NXPE4: variants seen among roughly 807,000 people sequenced by gnomAD.
NXPE4 encodes neurexophilin and PC-esterase domain family member 4.
A neutral mutation model predicts 33.3 loss-of-function variants in NXPE4; 42 were observed. That is an observed-to-expected ratio of 1.26 (90% CI 0.98 to 1.63). NXPE4 has a LOEUF of 1.63. Among genes scored for constraint, NXPE4 ranks in the 40% most tolerant of loss-of-function variants. The pLI, the probability that NXPE4 is intolerant of heterozygous loss-of-function variation, is 0.00. For synonymous variants in NXPE4, 253 were observed against 234.9 expected, an observed-to-expected ratio of 1.08 and a Z score of -0.71; for missense variants, 709 against 647.6, an observed-to-expected ratio of 1.09 and a Z score of -1.03.
upstream of NXPE4, among the ~76,000 whole-genome samples, chr11:114,597,761 A>C (rs935848840): frequency 2.0e-5 from 3 of 152,146 alleles, no homozygotes; most frequent in Admixed American, 6.5e-5. Flanking sequence ...ACATGTCAAA[A>C]TGGCCCAGAA....
intron 4 of NXPE4, among the ~76,000 whole-genome samples, chr11:114,581,125 G>A (rs1565331953): frequency 6.6e-6 from 1 of 152,190 alleles, no homozygotes; most frequent in South Asian, 2.1e-4. Flanking sequence ...TTTATGATTA[G>A]CAAGGTTTTA....
At chr11:114,631,791 GT>G in the NXPE4 span, among the ~76,000 whole-genome samples, 1 of 151,326 alleles carries the variant, frequency 6.6e-6, no homozygotes, top group Admixed American at 6.6e-5. Flanking sequence ...AGTAATCACT[GT>G]TACCCAGTGG....
At chr11:114,613,024 C>G in the NXPE4 span, among the ~76,000 whole-genome samples, 1 of 151,862 alleles carries the variant, frequency 6.6e-6, no homozygotes, top group East Asian at 1.9e-4. Context: ...TCTAGGGTAA[C>G]CACTGTTACC....
chr11:114,592,546 C>G (rs981022792), intron 2 of NXPE4, among the ~76,000 whole-genome samples: 4 of 151,742 alleles, frequency 2.6e-5, no homozygotes, highest in African/African-American at 7.3e-5. Context: ...CACACACACA[C>G]AAAATAGATA....
the NXPE4 span, among the ~76,000 whole-genome samples, chr11:114,633,608 C>T: frequency 6.8e-6 from 1 of 146,610 alleles, no homozygotes; most frequent in Non-Finnish European, 1.5e-5. Context: ...TGCTATCCCT[C>T]CCACCCTGCC....
the NXPE4 span, among the ~76,000 whole-genome samples, chr11:114,630,140 A>G: frequency 2.0e-5 from 3 of 151,784 alleles, no homozygotes; most frequent in Non-Finnish European, 2.9e-5. Context: ...CAAGCTACCA[A>G]TGACTTTCTT....
intron 4 of NXPE4, among the ~76,000 whole-genome samples, chr11:114,581,476 A>G (rs1385797163): frequency 6.6e-6 from 1 of 152,126 alleles, no homozygotes; most frequent in Non-Finnish European, 1.5e-5. Context: ...TGTTGTATAA[A>G]ATGGGCAGGG....
chr11:114,656,273 T>C, the NXPE4 span, among the ~76,000 whole-genome samples: 1 of 151,924 alleles, frequency 6.6e-6, no homozygotes, highest in Non-Finnish European at 1.5e-5. Context: ...CTCAAGGAAA[T>C]AAGGGAGGAT....
intron 2 of NXPE4, among the ~76,000 whole-genome samples, chr11:114,591,073 C>G (rs1949440781): frequency 6.6e-6 from 1 of 152,132 alleles, no homozygotes; most frequent in Non-Finnish European, 1.5e-5. Context: ...CCTGGAAAAT[C>G]CAGACTGGAC....
the NXPE4 span, among the ~76,000 whole-genome samples, chr11:114,662,724 G>T: frequency 6.6e-6 from 1 of 152,060 alleles, no homozygotes; most frequent in Non-Finnish European, 1.5e-5. Context: ...AGCAGGATAG[G>T]GTATGGGTCA....
At chr11:114,666,442 T>C in the NXPE4 span, among the ~76,000 whole-genome samples, 1 of 152,140 alleles carries the variant, frequency 6.6e-6, no homozygotes, top group African/African-American at 2.4e-5. Context: ...ATTATTACTA[T>C]CAAAGTATAA....
chr11:114,636,561 T>C, the NXPE4 span, among the ~76,000 whole-genome samples: 1 of 151,748 alleles, frequency 6.6e-6, no homozygotes, highest in South Asian at 2.1e-4. Flanking sequence ...TGTTAGGGTG[T>C]CAATTTTGGA....
At chr11:114,616,779 G>A in the NXPE4 span, among the ~76,000 whole-genome samples, 2 of 151,580 alleles carry the variant, frequency 1.3e-5, 1 homozygote, top group African/African-American at 4.9e-5. Context: ...TTGCCTCTTG[G>A]CTTACCACTG....
chr11:114,613,399 TG>T, the NXPE4 span, among the ~76,000 whole-genome samples: 1 of 150,716 alleles, frequency 6.6e-6, no homozygotes, highest in African/African-American at 2.4e-5. Context: ...GCCTCGTGGG[TG>T]GGTAAGCACT....
chr11:114,653,797 G>A, the NXPE4 span, among the ~76,000 whole-genome samples: 1 of 151,756 alleles, frequency 6.6e-6, no homozygotes, highest in Non-Finnish European at 1.5e-5. Context: ...CAAAGTGCTG[G>A]GATTACAGGC....
rs779311957 is a variant in NXPE4 at position 114,582,704 on chromosome 11, C to T, written c.414G>A (p.Leu138=). Residue 138 remains leucine (L), a synonymous_variant, in exon 3 of 6, where the codon CTG becomes CTA. Transcript: ENST00000375478. ...GRRKQYGGDF[L]RARMSSPALM... is the part of the protein sequence containing the mutation. ...GCGCTGGGGAAGACATCCTGGCCCT[C>T]AGGAAATCCCCGCCATATTGCTTCC... 3.7e-6 allele frequency: 6 copies of T among 1,614,040 alleles called. No homozygotes were observed. In the African/African-American group the frequency reaches 8.0e-5, roughly 22 times the overall value.
the NXPE4 span, among the ~76,000 whole-genome samples, chr11:114,601,116 A>C: frequency 1.3e-5 from 2 of 151,890 alleles, no homozygotes; most frequent in African/African-American, 4.8e-5. Flanking sequence ...AAATAACTTT[A>C]GGGGCACAAG....
the NXPE4 span, among the ~76,000 whole-genome samples, chr11:114,618,760 T>C: frequency 6.6e-6 from 1 of 152,202 alleles, no homozygotes; most frequent in African/African-American, 2.4e-5. Flanking sequence ...GCGTAGCCAC[T>C]GTTATCTGGT....
chr11:114,666,092 C>T, the NXPE4 span, among the ~76,000 whole-genome samples: 1 of 152,080 alleles, frequency 6.6e-6, no homozygotes, highest in African/African-American at 2.4e-5. Context: ...CACATTTTCC[C>T]AGACTTCTGA....
Sources: gnomAD v4.1 joint callset for allele counts (sites outside exome capture counted in the v4.1 genomes callset) on GRCh38, gnomAD v4.1.1 for gene constraint, MANE v1.5 for transcripts, NCBI Gene and HGNC (gene_info 2026-07-23, HGNC 2026-07-21) for gene names.